The following CADM1 variants were observed in gnomAD, a reference collection of about 807,000 sequenced individuals.
CADM1 encodes cell adhesion molecule 1.
CADM1 carries 15 observed loss-of-function variants against 53.1 expected under a neutral mutation model. That is an observed-to-expected ratio of 0.28 (90% CI 0.19 to 0.44). The LOEUF (loss-of-function observed/expected upper bound fraction) is 0.44, where lower values mean the gene tolerates loss of function less well. Ranked by LOEUF, CADM1 falls within the 20% of genes least tolerant of loss-of-function variation. The probability of loss-of-function intolerance (pLI) is 1.00; values close to 1 mark genes in which losing one functional copy is unlikely to be tolerated. For synonymous variants in CADM1, 281 were observed against 243.0 expected (o/e 1.16, Z -1.45); for missense variants, 434 against 611.3 (o/e 0.71, Z 3.06).
At chr11:115,290,782 T>A (rs978015386) in intron 1 of CADM1, among the ~76,000 whole-genome samples, 1 of 152,130 alleles carries the variant, frequency 6.6e-6, no homozygotes, top group African/African-American at 2.4e-5. Flanking sequence ...TTGTTGGCTA[T>A]GGAAAGTAAG....
At chr11:115,241,651 G>A (rs1942235319) in intron 1 of CADM1, among the ~76,000 whole-genome samples, 1 of 152,168 alleles carries the variant, frequency 6.6e-6, no homozygotes, top group African/African-American at 2.4e-5. Context: ...TCATAAAAGT[G>A]AATAAATGGC....
At chr11:115,277,302 A>C (rs937100976) in intron 1 of CADM1, among the ~76,000 whole-genome samples, 1 of 152,210 alleles carries the variant, frequency 6.6e-6, no homozygotes, top group African/African-American at 2.4e-5. Flanking sequence ...CAAAATACAC[A>C]GGGCTCACAG....
intron 6 of CADM1, among the ~76,000 whole-genome samples, chr11:115,217,294 A>G (rs1009326969): frequency 1.4e-4 from 22 of 152,180 alleles, no homozygotes; most frequent in African/African-American, 5.3e-4. Flanking sequence ...TATACTTTCA[A>G]TAAAATAAGA....
chr11:115,379,606 G>A (rs776328654), intron 1 of CADM1, among the ~76,000 whole-genome samples: 15 of 152,152 alleles, frequency 9.9e-5, no homozygotes, highest in Non-Finnish European at 1.9e-4. Flanking sequence ...CCCTTACATT[G>A]AACAGGGAAG....
intron 1 of CADM1, among the ~76,000 whole-genome samples, chr11:115,289,678 C>T (rs1181781146): frequency 6.7e-6 from 1 of 148,152 alleles, no homozygotes; most frequent in Non-Finnish European, 1.5e-5. Context: ...TCACTGCAAG[C>T]TCTGTCTCCA....
chr11:115,496,274 A>G lies in CADM1; in HGVS notation c.124+7997T>C, dbSNP rs76509261. ...AAGTATGTGTTAGTTAAAATGAAAG[A>G]TGTAAAAGGAAGGTGTTTATTCTCA... On this transcript the variant is annotated intron_variant, in intron 1 of 11. Transcript: ENST00000331581. 5.9e-3 allele frequency among the ~76,000 whole-genome samples: 905 copies of G among 152,342 alleles called. 8 individuals are homozygous for G. The highest frequency in any genetic ancestry group is 0.02 in the African/African-American group (816 of 41,574).
At chr11:115,278,860 C>G (rs1347064184) in intron 1 of CADM1, among the ~76,000 whole-genome samples, 1 of 152,050 alleles carries the variant, frequency 6.6e-6, no homozygotes, top group Non-Finnish European at 1.5e-5. Flanking sequence ...TGTGGTTGAT[C>G]ACAAAATGGT....
chr11:115,451,685 T>C (rs1948575484), intron 1 of CADM1, among the ~76,000 whole-genome samples: 1 of 152,224 alleles, frequency 6.6e-6, no homozygotes, highest in Non-Finnish European at 1.5e-5. Context: ...GAGATTGTTC[T>C]TGAAGTAGAG....
intron 1 of CADM1, among the ~76,000 whole-genome samples, chr11:115,299,571 T>C (rs1365485891): frequency 6.6e-6 from 1 of 152,190 alleles, no homozygotes; most frequent in Non-Finnish European, 1.5e-5. Context: ...TCCTGTAAAT[T>C]AGGAGATATT....
At chr11:115,192,634 C>T (rs1477412468) in intron 9 of CADM1, among the ~76,000 whole-genome samples, 4 of 152,300 alleles carry the variant, frequency 2.6e-5, no homozygotes, top group African/African-American at 7.2e-5. Context: ...AATATCAAAG[C>T]GTCCTACATA....
At chr11:115,287,670 C>T (rs1478301256) in intron 1 of CADM1, among the ~76,000 whole-genome samples, 2 of 152,144 alleles carry the variant, frequency 1.3e-5, no homozygotes, top group African/African-American at 2.4e-5. Context: ...TACTGAGTTA[C>T]GAATTGCCAC....
At chr11:115,464,569 A>G (rs1948858830) in intron 1 of CADM1, among the ~76,000 whole-genome samples, 1 of 152,206 alleles carries the variant, frequency 6.6e-6, no homozygotes, top group Non-Finnish European at 1.5e-5. Flanking sequence ...CCTAAACTCA[A>G]AGACCTCATA....
Position 115,339,672 on chromosome 11 carries a change from G to A in CADM1, c.125-99252C>T, listed in dbSNP as rs1945372045. On this transcript the variant is annotated intron_variant, in intron 1 of 11. Coordinates refer to ENST00000331581, the MANE Select transcript of CADM1 (RefSeq NM_001301043.2). ...TATTTCATCATGTATAGTCATACAA[G>A]CAGCTATCTAATATCAAAGTATAGA... Among the ~76,000 whole-genome samples, 3 of 152,088 alleles carry A rather than the reference G, an allele frequency of 2.0e-5. No homozygotes were observed. The South Asian group carries it at 6.2e-4, about 32-fold the overall frequency.
chr11:115,425,713 T>A (rs775608071), intron 1 of CADM1, among the ~76,000 whole-genome samples: 29 of 152,180 alleles, frequency 1.9e-4, no homozygotes, highest in Non-Finnish European at 3.8e-4. Flanking sequence ...AATATGTACC[T>A]CTCTTCCAAA....
At chr11:115,297,067 A>G (rs1334332310) in intron 1 of CADM1, among the ~76,000 whole-genome samples, 1 of 152,244 alleles carries the variant, frequency 6.6e-6, no homozygotes, top group Non-Finnish European at 1.5e-5. Context: ...AAGTATTCCT[A>G]TAGTACATTC....
At chr11:115,384,102 A>C (rs1192510177) in intron 1 of CADM1, among the ~76,000 whole-genome samples, 1 of 152,164 alleles carries the variant, frequency 6.6e-6, no homozygotes, top group Non-Finnish European at 1.5e-5. Flanking sequence ...AATAATATGG[A>C]CAGAATTGAC....
intron 1 of CADM1, chr11:115,256,984 T>C (rs1942810417): frequency 2.3e-6 from 1 of 437,744 alleles, no homozygotes; most frequent in Non-Finnish European, 4.7e-6. Flanking sequence ...GCTTGTCACA[T>C]TTAGAGTGTG....
At chr11:115,398,075 C>T (rs1947048113) in intron 1 of CADM1, among the ~76,000 whole-genome samples, 1 of 152,152 alleles carries the variant, frequency 6.6e-6, no homozygotes, top group Admixed American at 6.5e-5. Context: ...CCAGTAAACA[C>T]TTGACTAAGA....
rs1207813455 is a variant in CADM1, at chr11:115,209,650, G to A, written c.1002C>T (p.Pro334=). Residue 334 remains proline, a synonymous_variant, in exon 8 of 12, where the codon CCC becomes CCT. Transcript: ENST00000331581. The part of the protein sequence containing the change: ...SDYMLYVYDP[P]TTIPPPTTTT... Reference sequence around the variant, plus strand: ...TTGTTGTGGGAGGAGGGATAGTTGTGGGGGGATCTGGATAGAAAAAAAAAG... The same window carrying A: ...TTGTTGTGGGAGGAGGGATAGTTGTAGGGGGATCTGGATAGAAAAAAAAAG... 4 of 1,612,902 alleles carry A rather than the reference G, an allele frequency of 2.5e-6. No individual in the cohort carries two copies. The Admixed American group carries it at 5.0e-5, about 20-fold the overall frequency.
Sources: allele counts gnomAD v4.1 joint callset (sites outside exome capture counted in the v4.1 genomes callset), GRCh38; gene constraint gnomAD v4.1.1; transcripts MANE v1.5; gene names NCBI Gene and HGNC (gene_info 2026-07-23, HGNC 2026-07-21).